Variants in TRDN observed in about 807,000 individuals in gnomAD.
The protein encoded by TRDN is triadin in skeletal muscle.
A neutral mutation model predicts 149.7 loss-of-function variants in TRDN; 161 were observed. That is an observed-to-expected ratio of 1.08 (90% confidence interval 0.95 to 1.23). TRDN has a LOEUF of 1.23. Among genes scored for constraint, TRDN ranks in the 50% most tolerant of loss-of-function variants. TRDN has a pLI of 0.00. For synonymous variants in TRDN, 294 were observed against 250.5 expected (o/e 1.17, Z -1.64); for missense variants, 896 against 823.5 (o/e 1.09, Z -1.08).
intron 1 of TRDN, among the ~76,000 whole-genome samples, chr6:123,604,586 A>C (rs1784436436): frequency 6.6e-6 from 1 of 152,174 alleles, no homozygotes; most frequent in Non-Finnish European, 1.5e-5. Context: ...CTCAGAAGCT[A>C]AATTAGAAGA....
At chr6:123,385,097 A>G (rs112569716) in intron 14 of TRDN, among the ~76,000 whole-genome samples, 1 of 152,174 alleles carries the variant, frequency 6.6e-6, no homozygotes, top group Non-Finnish European at 1.5e-5. Context: ...CAGTGTCTCA[A>G]GTAAGGCCTA....
intron 38 of TRDN, among the ~76,000 whole-genome samples, chr6:123,235,724 T>TC (rs982674264): frequency 3.3e-5 from 5 of 151,982 alleles, no homozygotes; most frequent in Non-Finnish European, 7.4e-5. Flanking sequence ...ATAGTGACAC[T>TC]CCCCCTCTGT....
intron 26 of TRDN, among the ~76,000 whole-genome samples, 182 bp from the exon 27 acceptor site, chr6:123,274,852 G>C (rs1338794160): frequency 6.6e-6 from 1 of 152,018 alleles, no homozygotes; most frequent in Non-Finnish European, 1.5e-5. Context: ...CAGCTTAGGT[G>C]ACAGAGCGAG....
intron 38 of TRDN, among the ~76,000 whole-genome samples, chr6:123,232,994 T>C (rs891453728): frequency 1.3e-5 from 2 of 152,098 alleles, no homozygotes; most frequent in African/African-American, 4.8e-5. Flanking sequence ...AGTAAACATG[T>C]GGAATCCTTA....
At chr6:123,614,304 A>AAC (rs1554263192) in intron 1 of TRDN, among the ~76,000 whole-genome samples, 15 of 146,574 alleles carry the variant, frequency 1.0e-4, no homozygotes, top group African/African-American at 3.5e-4. Context: ...AAAAAACAAA[A>AAC]AAAAAAAAAA....
At chr6:123,568,727 C>G (rs1782414777) in intron 2 of TRDN, among the ~76,000 whole-genome samples, 3 of 152,228 alleles carry the variant, frequency 2.0e-5, no homozygotes, top group Admixed American at 2.0e-4. Flanking sequence ...TCTTCTGAGG[C>G]TGGCCAGGGC....
At chr6:123,292,645 G>A (rs1263191880) in intron 24 of TRDN, among the ~76,000 whole-genome samples, 2 of 152,104 alleles carry the variant, frequency 1.3e-5, no homozygotes, top group African/African-American at 4.8e-5. Context: ...AAATGGAAGG[G>A]CCCTTATCAG....
intron 2 of TRDN, among the ~76,000 whole-genome samples, chr6:123,568,889 G>A (rs909281852): frequency 2.0e-5 from 3 of 152,138 alleles, no homozygotes; most frequent in Non-Finnish European, 2.9e-5. Flanking sequence ...TTTTAGTTAC[G>A]CAAATTTCTC....
At chr6:123,529,228 G>C in intron 5 of TRDN, 3 of 1,548,662 alleles carry the variant, frequency 1.9e-6, no homozygotes, top group Non-Finnish European at 2.6e-6. Context: ...TCAGCAGATA[G>C]AAACACAGAG....
At chr6:123,510,553 A>G (rs1387784793) in intron 7 of TRDN, among the ~76,000 whole-genome samples, 3 of 152,130 alleles carry the variant, frequency 2.0e-5, no homozygotes, top group Non-Finnish European at 2.9e-5. Flanking sequence ...AAAGTGATAT[A>G]CTAATAAATA....
In TRDN at chr6:123,366,162, CCT is replaced by C. The variant is rs1582923790; in HGVS notation, c.1292_1293del (p.Glu431GlyfsTer8). 6.2e-7 allele frequency: 1 copy of C among 1,612,924 alleles called. No homozygotes were observed. The highest frequency in any genetic ancestry group is 8.5e-7 in the Non-Finnish European group (1 of 1,179,256). ...QVKAKTERAK[E>X]EIGAVSIKKA... ...TTTTTAATTGAAACCGCACCAATCT[CCT>C]CTTTGGCTCGTTCAGTTTCTGCAAG... On this transcript the variant is annotated frameshift_variant, in exon 20 of 41. Transcript: ENST00000334268. LOFTEE classifies it high-confidence loss of function.
At chr6:123,562,095 T>C (rs1782033308) in intron 2 of TRDN, among the ~76,000 whole-genome samples, 2 of 152,076 alleles carry the variant, frequency 1.3e-5, no homozygotes, top group African/African-American at 4.8e-5. Context: ...CTTGTGAAAT[T>C]CCTTCTCCTG....
chr6:123,427,839 G>C (rs1774186248), intron 12 of TRDN, among the ~76,000 whole-genome samples: 1 of 152,040 alleles, frequency 6.6e-6, no homozygotes, highest in Admixed American at 6.6e-5. Flanking sequence ...AAAGTAGAGG[G>C]GAAGGATTTA....
intron 12 of TRDN, among the ~76,000 whole-genome samples, chr6:123,437,709 C>G (rs1359646404): frequency 1.3e-5 from 2 of 152,104 alleles, no homozygotes; most frequent in African/African-American, 4.8e-5. Context: ...CATTGTGAAA[C>G]TACTTCTTAC....
chr6:123,538,573 T>C (rs1413452559), intron 4 of TRDN, among the ~76,000 whole-genome samples: 1 of 152,140 alleles, frequency 6.6e-6, no homozygotes, highest in Non-Finnish European at 1.5e-5. Context: ...GTGTATGACT[T>C]AATGGGCAAC....
intron 4 of TRDN, among the ~76,000 whole-genome samples, chr6:123,531,464 A>G (rs950874537): frequency 2.7e-4 from 41 of 152,104 alleles, no homozygotes; most frequent in African/African-American, 9.9e-4. Context: ...AGTCTACTAA[A>G]TTAAGATCAA....
In TRDN at chr6:123,308,548, C is replaced by T. The variant is rs1056314750; in HGVS notation, c.1510+7909G>A. Among the ~76,000 whole-genome samples the T allele has an allele frequency of 2.0e-5, 3 of 151,674 alleles. No individual in the cohort carries two copies. The Admixed American group carries it at 2.0e-4, about 10-fold the overall frequency. On this transcript the variant is annotated intron_variant, in intron 24 of 40. Coordinates refer to ENST00000334268, the MANE Select transcript of TRDN (RefSeq NM_006073.4). Reference sequence around the variant, plus strand: ...CTTTCCTTTGTCTTCTACTCTGGACCTCTCGCCTCATAAATACAAAACCCA... The same window carrying T: ...CTTTCCTTTGTCTTCTACTCTGGACTTCTCGCCTCATAAATACAAAACCCA...
intron 12 of TRDN, chr6:123,434,176 C>T (rs1774458367): frequency 2.6e-5 from 4 of 152,108 alleles, no homozygotes; most frequent in Admixed American, 2.6e-4. Flanking sequence ...AAAACCATCT[C>T]TTATTGTATG....
intron 1 of TRDN, among the ~76,000 whole-genome samples, chr6:123,630,849 T>A (rs1014913215): frequency 2.0e-5 from 3 of 152,020 alleles, no homozygotes; most frequent in African/African-American, 7.2e-5. Flanking sequence ...AATAGCATGA[T>A]CTTGTAAAAT....
Sources: gnomAD v4.1 joint callset for allele counts (sites outside exome capture counted in the v4.1 genomes callset) on GRCh38, gnomAD v4.1.1 for gene constraint, MANE v1.5 for transcripts, NCBI Gene and HGNC (gene_info 2026-07-23, HGNC 2026-07-21) for gene names.